The following MDGA2 variants were observed in gnomAD, a reference collection of about 807,000 sequenced individuals.
The protein encoded by MDGA2 is MAM domain containing glycosylphosphatidylinositol anchor 2.
MDGA2 carries 40 observed loss-of-function variants against 117.8 expected under a neutral mutation model. The observed-to-expected ratio is 0.34, with a 90% CI of 0.26 to 0.44. The LOEUF is 0.44. MDGA2 is among the 20% of genes least tolerant of loss of function. The probability of loss-of-function intolerance (pLI) is 1.00; values close to 1 mark genes in which losing one functional copy is unlikely to be tolerated. For synonymous variants in MDGA2, 452 were observed against 439.0 expected (o/e 1.03, Z -0.37); for missense variants, 1,123 against 1,250.6 (o/e 0.90, Z 1.54).
At chr14:47,207,469 C>T (rs1400949647) in intron 3 of MDGA2, among the ~76,000 whole-genome samples, 1 of 151,668 alleles carries the variant, frequency 6.6e-6, no homozygotes, top group Non-Finnish European at 1.5e-5. Flanking sequence ...TGCTGGGAGG[C>T]CTTTTGCAGG....
In MDGA2 at chr14:47,634,389, AAAC is replaced by A. The variant is rs538557903; in HGVS notation, c.280+40125_280+40127del. On this transcript the variant is annotated intron_variant, in intron 1 of 16. Transcript: ENST00000399232. ...TAATCATATCAAGAAGTAGACAAGAAAACAAATAATTTATTAGTTGTATAACTG... is the reference window on the plus strand; with the variant it reads ...TAATCATATCAAGAAGTAGACAAGAAAAATAATTTATTAGTTGTATAACTG... Among the ~76,000 whole-genome samples the A allele has an allele frequency of 3.4e-3, 510 of 152,232 alleles. 3 individuals carry two copies. Among genetic ancestry groups the A allele is most frequent in the African/African-American group, 0.012 (485 of 41,576 alleles).
intron 1 of MDGA2, among the ~76,000 whole-genome samples, chr14:47,322,730 G>A (rs1271610476): frequency 1.3e-5 from 2 of 152,124 alleles, no homozygotes. Context: ...AATAATTCTA[G>A]CTTCTATGAA....
intron 8 of MDGA2, among the ~76,000 whole-genome samples, chr14:46,999,831 G>A (rs1343957304): frequency 2.6e-5 from 4 of 152,008 alleles, no homozygotes; most frequent in Admixed American, 2.0e-4. Flanking sequence ...TAGCCTGGAA[G>A]GGCACACATA....
intron 14 of MDGA2, among the ~76,000 whole-genome samples, chr14:46,872,943 C>T (rs1481243109): frequency 6.6e-6 from 1 of 151,784 alleles, no homozygotes; most frequent in Non-Finnish European, 1.5e-5. Flanking sequence ...TGTGCAGGAC[C>T]TAGAATGTTC....
rs994626949 is a variant in MDGA2 at position 46,841,778 on chromosome 14, A to G, written c.*153T>C. The stretch of plus-strand genomic sequence containing the variant: ...ACTTCCATGATGTCTTTTTATCCCC[A>G]GTGCTTAAAAAAATTTGTTTTTATT... On this transcript the variant is annotated 3_prime_UTR_variant, in exon 17 of 17. Transcript: ENST00000399232. 1.9e-5 allele frequency: 10 copies of G among 514,740 alleles called. No homozygotes were observed. The highest frequency in any genetic ancestry group is 1.4e-4 in the Admixed American group (4 of 28,814). 31.9% of individuals were successfully genotyped at this position (514,740 alleles called of 1,614,324 possible).
intron 1 of MDGA2, among the ~76,000 whole-genome samples, chr14:47,617,810 A>C (rs1896974506): frequency 6.6e-6 from 1 of 152,234 alleles, no homozygotes; most frequent in South Asian, 2.1e-4. Flanking sequence ...AGATGGAGAC[A>C]GAGGCAGCTT....
At chr14:47,015,183 C>T (rs1249339615) in intron 8 of MDGA2, among the ~76,000 whole-genome samples, 1 of 151,838 alleles carries the variant, frequency 6.6e-6, no homozygotes, top group Non-Finnish European at 1.5e-5. Context: ...TTCATGGCAC[C>T]TCAAAACAAT....
chr14:47,665,031 T>G (rs1897917863), intron 1 of MDGA2, among the ~76,000 whole-genome samples: 1 of 152,212 alleles, frequency 6.6e-6, no homozygotes, highest in Admixed American at 6.5e-5. Context: ...GATACATCTT[T>G]CTAGTTGGGG....
intron 1 of MDGA2, among the ~76,000 whole-genome samples, chr14:47,609,587 C>T (rs1594942121): frequency 6.7e-6 from 1 of 150,366 alleles, no homozygotes; most frequent in Admixed American, 6.6e-5. Flanking sequence ...GGCTTCTTTT[C>T]CTCTGGGTAG....
At chr14:47,547,472 T>C (rs539244857) in intron 1 of MDGA2, among the ~76,000 whole-genome samples, 1 of 152,184 alleles carries the variant, frequency 6.6e-6, no homozygotes, top group East Asian at 1.9e-4. Flanking sequence ...CTAGGTTTTA[T>C]GTGTTTCCAT....
At chr14:47,643,753 C>A (rs893919622) in intron 1 of MDGA2, among the ~76,000 whole-genome samples, 3 of 152,022 alleles carry the variant, frequency 2.0e-5, no homozygotes, top group Admixed American at 1.3e-4. Context: ...TTTACTTTTT[C>A]ATTTTACCTG....
At chr14:46,947,040 T>C (rs560373934) in intron 9 of MDGA2, among the ~76,000 whole-genome samples, 33 of 152,244 alleles carry the variant, frequency 2.2e-4, no homozygotes, top group Non-Finnish European at 3.1e-4. Context: ...TTACTCATTC[T>C]TTCTTCTTTC....
chr14:47,074,205 CTTAT>C (rs752832501), intron 6 of MDGA2, among the ~76,000 whole-genome samples: 50 of 152,148 alleles, frequency 3.3e-4, no homozygotes, highest in Middle Eastern at 3.4e-3. Flanking sequence ...GAAGCTATTT[CTTAT>C]TTACTCTCTT....
At chr14:47,153,031 A>G (rs752646689) in intron 3 of MDGA2, among the ~76,000 whole-genome samples, 9 of 152,206 alleles carry the variant, frequency 5.9e-5, no homozygotes, top group Non-Finnish European at 1.3e-4. Flanking sequence ...GCTAGAAAAG[A>G]CTTCTGGGTA....
chr14:47,192,554 C>A (rs1208181809), intron 3 of MDGA2, among the ~76,000 whole-genome samples: 4 of 151,944 alleles, frequency 2.6e-5, no homozygotes, highest in Non-Finnish European at 5.9e-5. Flanking sequence ...GGCAGAGAAC[C>A]TGGGAGGTGA....
chr14:47,035,363 G>T, intron 7 of MDGA2, 59 bp from the exon 8 acceptor site: 2 of 1,360,234 alleles, frequency 1.5e-6, no homozygotes, highest in South Asian at 1.4e-5. Context: ...AGCATATTCA[G>T]ATACAGAAAA....
intron 6 of MDGA2, among the ~76,000 whole-genome samples, chr14:47,094,319 AG>A (rs1269558978): frequency 6.6e-6 from 1 of 152,068 alleles, no homozygotes; most frequent in Non-Finnish European, 1.5e-5. Flanking sequence ...TAAATTTTTA[AG>A]GCTTTGTTTA....
At chr14:47,095,102 T>C (rs1282319695) in intron 6 of MDGA2, among the ~76,000 whole-genome samples, 1 of 152,050 alleles carries the variant, frequency 6.6e-6, no homozygotes, top group Non-Finnish European at 1.5e-5. Flanking sequence ...ATTCCTTACA[T>C]TTGCTGAGTC....
chr14:47,421,031 C>T (rs1017040313), intron 1 of MDGA2, among the ~76,000 whole-genome samples: 1 of 151,978 alleles, frequency 6.6e-6, no homozygotes, highest in African/African-American at 2.4e-5. Context: ...GCTGAGAATA[C>T]GATAGGAAGA....
Sources: allele counts gnomAD v4.1 joint callset (sites outside exome capture counted in the v4.1 genomes callset), GRCh38; gene constraint gnomAD v4.1.1; transcripts MANE v1.5; gene names NCBI Gene and HGNC (gene_info 2026-07-23, HGNC 2026-07-21).